SLC35A1: variants seen among roughly 807,000 people sequenced by gnomAD.
The protein encoded by SLC35A1 is CMP-sialic acid transporter.
A neutral mutation model predicts 40.3 loss-of-function variants in SLC35A1; 21 were observed. That is an observed-to-expected ratio of 0.52 (90% CI 0.37 to 0.75). SLC35A1 has a LOEUF of 0.75. Among genes scored for constraint, SLC35A1 ranks in the 30% least tolerant of loss-of-function variants. The pLI is 0.00. For missense variants in SLC35A1, 297 were observed against 382.1 expected, an observed-to-expected ratio of 0.78 and a Z score of 1.86; for synonymous variants, 146 against 147.3, an observed-to-expected ratio of 0.99 and a Z score of 0.06.
At chr6:87,508,999 A>C in intron 6 of SLC35A1, 42 bp from the exon 7 acceptor site, 1 of 1,609,150 alleles carries the variant, frequency 6.2e-7, no homozygotes, top group Non-Finnish European at 8.5e-7. Flanking sequence ...GTAATGTTTC[A>C]TTTATTTGAG....
At chr6:87,485,090 G>A (rs567030882) in intron 2 of SLC35A1, among the ~76,000 whole-genome samples, 1 of 152,200 alleles carries the variant, frequency 6.6e-6, no homozygotes, top group African/African-American at 2.4e-5. Context: ...AGGCAAACAG[G>A]ATGTTATCTA....
chr6:87,501,453 C>CT, intron 4 of SLC35A1, 143 bp downstream of exon 4: 1 of 795,760 alleles, frequency 1.3e-6, no homozygotes, highest in Non-Finnish European at 2.1e-6. Context: ...GGCCTTTTTT[C>CT]TTTAGCATAT....
At chr6:87,477,583 G>A (rs1235188679) in intron 2 of SLC35A1, 44 bp downstream of exon 2, 2 of 1,473,792 alleles carry the variant, frequency 1.4e-6, no homozygotes, top group South Asian at 2.3e-5. Context: ...TTTTCTACCT[G>A]GTGAGGGTAT....
rs757048979 is a variant in SLC35A1, at chr6:87,506,416, T to C, written c.542T>C (p.Ile181Thr). The C allele has an allele frequency of 1.9e-6, 3 of 1,613,734 alleles. No homozygotes were observed. The highest frequency in any genetic ancestry group is 2.2e-5 in the East Asian group (1 of 44,814). ...EQNPLLGFGAIAIAVLCSGFA... is the reference protein window; with the variant it reads ...EQNPLLGFGATAIAVLCSGFA... ...AATCCATTATTAGGGTTTGGCGCTA[T>C]AGCTATTGCTGTATTGTGCTCAGGA... Residue 181 changes from isoleucine (I) to threonine (T), a missense_variant, in exon 5 of 8, where the codon ATA becomes ACA. Coordinates refer to ENST00000369552, the MANE Select transcript of SLC35A1 (RefSeq NM_006416.5).
intron 2 of SLC35A1, among the ~76,000 whole-genome samples, chr6:87,478,116 G>A (rs1372627200): frequency 3.3e-5 from 5 of 152,058 alleles, no homozygotes; most frequent in South Asian, 2.1e-4. Flanking sequence ...TTTTATTGAC[G>A]CAGCATCTGA....
Position 87,500,678 on chromosome 6 carries a change from TTAATGA to T in SLC35A1, c.354+18_354+23del, listed in dbSNP as rs761798923. 2.1e-5 allele frequency: 34 copies of T among 1,613,526 alleles called. No homozygotes were observed. Among genetic ancestry groups the T allele is most frequent in the African/African-American group, 1.3e-5 (1 of 74,892 alleles). ...GCAGCAGTGTACCAGGTAAGTGGAG[TTAATGA>T]TAATGAAAAGCACAGAATCTTTTAT... On this transcript the variant is annotated intron_variant, in intron 3 of 7. Transcript: ENST00000369552.
intron 2 of SLC35A1, chr6:87,499,062 TAAG>T: frequency 3.3e-6 from 3 of 908,758 alleles, no homozygotes; most frequent in Non-Finnish European, 3.9e-6. Flanking sequence ...GATCTGTAAC[TAAG>T]AAGGATGTCT....
In SLC35A1 at chr6:87,479,664, A is replaced by G. The variant is rs148451744; in HGVS notation, c.194+2125A>G. ...CTAATATCATGTCTAAGGCTATCCT[A>G]TTTTCCCAAGCCATCTGGCAGTTAG... On this transcript the variant is annotated intron_variant, in intron 2 of 7. Coordinates refer to ENST00000369552, the MANE Select transcript of SLC35A1 (RefSeq NM_006416.5). Among the ~76,000 whole-genome samples, 374 of 152,210 alleles carry G rather than the reference A, an allele frequency of 2.5e-3. 3 individuals are homozygous for G. Among genetic ancestry groups the G allele is most frequent in the African/African-American group, 8.6e-3 (356 of 41,526 alleles).
In SLC35A1 at chr6:87,472,987, G is replaced by A. The variant is rs745415177; in HGVS notation, c.-17G>A. On this transcript the variant is annotated 5_prime_UTR_variant, in exon 1 of 8. Coordinates refer to ENST00000369552, the MANE Select transcript of SLC35A1 (RefSeq NM_006416.5). ...GAGGGGGCGGGCGTCAGTTCCGCGG[G>A]GGGCTGTCGGGGAACCATGGCTGCC... 17 of 662,566 alleles carry A rather than the reference G, an allele frequency of 2.6e-5. No individual in the cohort carries two copies. The South Asian group carries it at 3.7e-4, about 14-fold the overall frequency. 41.0% of individuals were successfully genotyped at this position (662,566 alleles called of 1,614,324 possible).
rs1213733093 is a variant in SLC35A1 at position 87,509,195 on chromosome 6, G to T, written c.886+20G>T. ...AGATAAGTATGTCTTAGTTTGTGTT[G>T]AGTTTTTAACATGGAAGAGCCTCCC... On this transcript the variant is annotated intron_variant, in intron 7 of 7. Coordinates refer to ENST00000369552, the MANE Select transcript of SLC35A1 (RefSeq NM_006416.5). 2.5e-6 allele frequency: 4 copies of T among 1,613,736 alleles called. No individual in the cohort carries two copies. The highest frequency in any genetic ancestry group is 3.3e-5 in the Admixed American group (2 of 59,992).
intron 2 of SLC35A1, among the ~76,000 whole-genome samples, chr6:87,487,430 A>G (rs1472934019): frequency 6.6e-6 from 1 of 152,226 alleles, no homozygotes; most frequent in Non-Finnish European, 1.5e-5. Flanking sequence ...TATACAGGGT[A>G]GTTTCCTGTG....
intron 6 of SLC35A1, 103 bp from the exon 7 acceptor site, chr6:87,508,938 T>G: frequency 7.9e-7 from 1 of 1,266,096 alleles, no homozygotes; most frequent in Non-Finnish European, 1.2e-6. Context: ...TATTTTCCTT[T>G]TCCTAGGTAA....
At position 87,509,186 on chromosome 6, in the gene SLC35A1, G is replaced by C; in HGVS notation, c.886+11G>C. 2 of 1,614,010 alleles carry C rather than the reference G, an allele frequency of 1.2e-6. No individual in the cohort carries two copies. The highest frequency in any genetic ancestry group is 1.7e-6 in the Non-Finnish European group (2 of 1,179,902). On this transcript the variant is annotated intron_variant, in intron 7 of 7. Coordinates refer to ENST00000369552, the MANE Select transcript of SLC35A1 (RefSeq NM_006416.5). ...TTGGATTACAGATAAGTATGTCTTA[G>C]TTTGTGTTGAGTTTTTAACATGGAA...
chr6:87,501,446 CTT>C, intron 4 of SLC35A1, 136 bp downstream of exon 4: 1 of 848,290 alleles, frequency 1.2e-6, no homozygotes, highest in South Asian at 1.5e-5. Context: ...ATAGATAGGC[CTT>C]TTTTCTTTAG....
In SLC35A1 at chr6:87,496,732, A is replaced by T. The variant is rs898656448; in HGVS notation, c.195-3776A>T. ...GAGGTGGAGGTTGCAGTGAGCCGAG[A>T]TCACACCACTGCACTCTAGCCTGGG... On this transcript the variant is annotated intron_variant, in intron 2 of 7. Transcript: ENST00000369552. 2.7e-5 allele frequency among the ~76,000 whole-genome samples: 4 copies of T among 147,694 alleles called. No individual in the cohort carries two copies. In the Admixed American group the frequency reaches 2.8e-4, roughly 10 times the overall value.
chr6:87,511,130 CAG>C (rs1477857554), intron 7 of SLC35A1, among the ~76,000 whole-genome samples: 1 of 151,970 alleles, frequency 6.6e-6, no homozygotes, highest in African/African-American at 2.4e-5. Context: ...TGTTCTTTGT[CAG>C]AGTGGTCAGA....
At chr6:87,508,387 TC>T (rs1770152198) in intron 5 of SLC35A1, 32 bp from the exon 6 acceptor site, 2 of 1,359,212 alleles carry the variant, frequency 1.5e-6, no homozygotes, top group African/African-American at 2.9e-5. Context: ...TTTATAGTAA[TC>T]TTTAATATTT....
chr6:87,485,291 T>G (rs1291144576), intron 2 of SLC35A1, among the ~76,000 whole-genome samples: 2 of 152,208 alleles, frequency 1.3e-5, no homozygotes, highest in East Asian at 3.8e-4. Flanking sequence ...AAAATAATTG[T>G]GTAGAGCTAA....
intron 1 of SLC35A1, among the ~76,000 whole-genome samples, chr6:87,474,290 A>G (rs1472493998): frequency 6.6e-6 from 1 of 152,252 alleles, no homozygotes; most frequent in Non-Finnish European, 1.5e-5. Context: ...AATATCCACA[A>G]AGGATTTATC....
Sources: allele counts gnomAD v4.1 joint callset (sites outside exome capture counted in the v4.1 genomes callset), GRCh38; gene constraint gnomAD v4.1.1; transcripts MANE v1.5; gene names NCBI Gene and HGNC (gene_info 2026-07-23, HGNC 2026-07-21).